Variants in NUBPL observed in about 807,000 individuals in gnomAD.
The protein encoded by NUBPL is iron-sulfur cluster transfer protein NUBPL.
NUBPL carries 31 observed loss-of-function variants against 45.7 expected under a neutral mutation model. That is an observed-to-expected ratio of 0.68 (90% confidence interval 0.51 to 0.92). The LOEUF (loss-of-function observed/expected upper bound fraction) is 0.92, where lower values mean the gene tolerates loss of function less well. Ranked by LOEUF, NUBPL falls within the 40% of genes least tolerant of loss-of-function variation. NUBPL has a pLI of 0.00. For synonymous variants in NUBPL, 144 were observed against 140.9 expected (o/e 1.02, Z -0.15); for missense variants, 401 against 398.7 (o/e 1.01, Z -0.05).
chr14:31,769,221 A>C (rs565936198), intron 6 of NUBPL, among the ~76,000 whole-genome samples: 2 of 152,306 alleles, frequency 1.3e-5, no homozygotes, highest in African/African-American at 4.8e-5. Context: ...CAGGAGATGA[A>C]TACATAGCTC....
At chr14:31,754,512 G>A (rs1296281269) in intron 6 of NUBPL, among the ~76,000 whole-genome samples, 1 of 149,668 alleles carries the variant, frequency 6.7e-6, no homozygotes, top group Non-Finnish European at 1.5e-5. Context: ...CAAATAAATT[G>A]TAAGAAAAAA....
chr14:31,784,930 AT>A (rs143183730), intron 6 of NUBPL, among the ~76,000 whole-genome samples: 17 of 152,280 alleles, frequency 1.1e-4, no homozygotes, highest in Non-Finnish European at 2.4e-4. Context: ...CTTTTTTGCT[AT>A]TGCTTGAATG....
intron 3 of NUBPL, among the ~76,000 whole-genome samples, chr14:31,569,865 A>G (rs1300144502): frequency 3.9e-5 from 6 of 152,156 alleles, no homozygotes; most frequent in African/African-American, 1.4e-4. Flanking sequence ...TATATTGACA[A>G]TCTTATTTTT....
intron 6 of NUBPL, among the ~76,000 whole-genome samples, chr14:31,759,225 A>T (rs1014356365): frequency 1.3e-5 from 2 of 151,848 alleles, no homozygotes; most frequent in Non-Finnish European, 2.9e-5. Context: ...TTTTTTCTTT[A>T]TTTAATACAG....
chr14:31,681,144 T>C (rs1295546431), intron 6 of NUBPL, among the ~76,000 whole-genome samples: 1 of 152,148 alleles, frequency 6.6e-6, no homozygotes, highest in Non-Finnish European at 1.5e-5. Flanking sequence ...AGCTTTGGTT[T>C]AAATGTTGGT....
chr14:31,850,039 T>C, intron 9 of NUBPL, 80 bp from the exon 10 acceptor site: 1 of 1,052,160 alleles, frequency 9.5e-7, no homozygotes, highest in Non-Finnish European at 1.5e-6. Flanking sequence ...TTTTGTTTCT[T>C]TCCATAGTTC....
rs141662630 is a variant in NUBPL, at chr14:31,827,442, A to G, written c.693+728A>G. On this transcript the variant is annotated intron_variant, in intron 8 of 10. Coordinates refer to ENST00000281081, the MANE Select transcript of NUBPL (RefSeq NM_025152.3). ...GGTTCTTAGAAAGAAGAACCTGTGT[A>G]TGTAATGAACACACTCTCATCACCT... Among the ~76,000 whole-genome samples the G allele has an allele frequency of 1.8e-3, 278 of 152,044 alleles. 1 individual carries two copies. The highest frequency in any genetic ancestry group is 6.4e-3 in the African/African-American group (264 of 41,504).
At chr14:31,764,963 A>G (rs1436962654) in intron 6 of NUBPL, among the ~76,000 whole-genome samples, 2 of 152,094 alleles carry the variant, frequency 1.3e-5, no homozygotes, top group African/African-American at 4.8e-5. Flanking sequence ...GTATTCCTTA[A>G]TCTTTCTCAA....
At chr14:31,732,895 G>A (rs750496376) in intron 6 of NUBPL, among the ~76,000 whole-genome samples, 24 of 152,098 alleles carry the variant, frequency 1.6e-4, no homozygotes, top group Non-Finnish European at 3.2e-4. Flanking sequence ...TTACAGGTGT[G>A]CATCACCGCG....
At chr14:31,772,306 T>A (rs1382973103) in intron 6 of NUBPL, among the ~76,000 whole-genome samples, 1 of 152,172 alleles carries the variant, frequency 6.6e-6, no homozygotes, top group Non-Finnish European at 1.5e-5. Context: ...TTTTGACAAT[T>A]TCTTTAAAAT....
intron 7 of NUBPL, among the ~76,000 whole-genome samples, chr14:31,821,338 T>C (rs1374012802): frequency 2.0e-5 from 3 of 152,126 alleles, no homozygotes; most frequent in Non-Finnish European, 4.4e-5. Context: ...AACAACTCTA[T>C]AGGAAAAAAT....
In NUBPL at chr14:31,649,868, T is replaced by C. The variant is rs540891935; in HGVS notation, c.383-23487T>C. On this transcript the variant is annotated intron_variant, in intron 4 of 10. Coordinates refer to ENST00000281081, the MANE Select transcript of NUBPL (RefSeq NM_025152.3). ...GATTCAAATTAAAAATTCACTTTTTTTTTGTTTTGAGACGGAGTTTCACTC... is the reference window on the plus strand; with the variant it reads ...GATTCAAATTAAAAATTCACTTTTTCTTTGTTTTGAGACGGAGTTTCACTC... 2.5e-3 allele frequency among the ~76,000 whole-genome samples: 383 copies of C among 152,332 alleles called. 1 individual carries two copies. The highest frequency in any genetic ancestry group is 8.4e-3 in the African/African-American group (350 of 41,564).
chr14:31,824,603 G>A (rs1263887553), intron 7 of NUBPL, among the ~76,000 whole-genome samples: 2 of 152,142 alleles, frequency 1.3e-5, no homozygotes, highest in African/African-American at 4.8e-5. Flanking sequence ...AACTACTACT[G>A]TATAGGTTCT....
intron 4 of NUBPL, among the ~76,000 whole-genome samples, chr14:31,650,690 G>A (rs573960419): frequency 2.0e-5 from 3 of 152,252 alleles, no homozygotes; most frequent in African/African-American, 4.8e-5. Context: ...GTTTAAAAGC[G>A]GCTTTAAATT....
chr14:31,671,920 A>T (rs2139807108), intron 4 of NUBPL, among the ~76,000 whole-genome samples: 1 of 152,272 alleles, frequency 6.6e-6, no homozygotes. Context: ...AAATCTGAAA[A>T]CAGGATACTC....
chr14:31,655,480 A>C (rs1167277615), intron 4 of NUBPL, among the ~76,000 whole-genome samples: 1 of 152,206 alleles, frequency 6.6e-6, no homozygotes, highest in Non-Finnish European at 1.5e-5. Context: ...TGGGAGGCTG[A>C]TGCGGGTGGA....
Position 31,856,985 on chromosome 14 carries a change from A to T in NUBPL, c.898-2133A>T, listed in dbSNP as rs369487962. ...CAACTCCACTAGGTCATGCCCCAGT[A>T]GGGACTCTGGGGGCTCTGACCCCAC... On this transcript the variant is annotated intron_variant, in intron 10 of 10. Coordinates refer to ENST00000281081, the MANE Select transcript of NUBPL (RefSeq NM_025152.3). Among the ~76,000 whole-genome samples the T allele has an allele frequency of 3.3e-4, 50 of 152,332 alleles. 1 individual carries two copies. The highest frequency in any genetic ancestry group is 7.5e-4 in the African/African-American group (31 of 41,574).
In NUBPL at chr14:31,765,694, T is replaced by TCAGA. The variant is rs371979735; in HGVS notation, c.514-22084_514-22083insGACA. ...ACAACATAAATCTGCCTGAATAGAC[T>TCAGA]CAAAAATATCTAAATTAAATTTTGA... On this transcript the variant is annotated intron_variant, in intron 6 of 10. Transcript: ENST00000281081. Among the ~76,000 whole-genome samples, 991 of 152,168 alleles carry TCAGA rather than the reference T, an allele frequency of 6.5e-3. 11 individuals are homozygous for TCAGA. The highest frequency in any genetic ancestry group is 0.022 in the African/African-American group (928 of 41,512).
chr14:31,644,480 A>G (rs112024055), intron 4 of NUBPL, among the ~76,000 whole-genome samples: 1,612 of 152,108 alleles, frequency 0.011, 22 homozygotes, highest in African/African-American at 0.037. Context: ...TCCTATTAGT[A>G]GTTTCTAGTT....
Sources: gnomAD v4.1 joint callset for allele counts (sites outside exome capture counted in the v4.1 genomes callset) on GRCh38, gnomAD v4.1.1 for gene constraint, MANE v1.5 for transcripts, NCBI Gene and HGNC (gene_info 2026-07-23, HGNC 2026-07-21) for gene names.